Variants in PRDM5 observed in about 807,000 individuals in gnomAD.
PRDM5 encodes the protein PR domain zinc finger protein 5.
In PRDM5, 56 loss-of-function variants were observed where a neutral mutation model predicts 81.2. The observed-to-expected ratio is 0.69, with a 90% CI of 0.56 to 0.86. PRDM5 has a LOEUF of 0.86. Among genes scored for constraint, PRDM5 ranks in the 40% least tolerant of loss-of-function variants. The pLI is 0.00. For synonymous variants in PRDM5, 267 were observed against 256.4 expected, an observed-to-expected ratio of 1.04 and a Z score of -0.39; for missense variants, 697 against 770.1, an observed-to-expected ratio of 0.91 and a Z score of 1.12.
At chr4:120,791,624 C>T (rs1750586527) in intron 10 of PRDM5, among the ~76,000 whole-genome samples, 1 of 152,168 alleles carries the variant, frequency 6.6e-6, no homozygotes, top group African/African-American at 2.4e-5. Flanking sequence ...ACATCTCATT[C>T]TCTCTTTTCC....
intron 2 of PRDM5, among the ~76,000 whole-genome samples, chr4:120,863,593 C>G (rs1307640662): frequency 6.6e-6 from 1 of 151,928 alleles, no homozygotes; most frequent in Non-Finnish European, 1.5e-5. Flanking sequence ...CATACCAATT[C>G]AACCAAAGCA....
At chr4:120,700,313 T>G (rs56765462) in intron 15 of PRDM5, among the ~76,000 whole-genome samples, 22,837 of 152,158 alleles carry the variant, frequency 0.15, 2,285 homozygotes, top group East Asian at 0.51. Context: ...AACTTTAAGA[T>G]GAATTAAAGA....
chr4:120,786,712 A>T (rs1749811564), intron 10 of PRDM5, among the ~76,000 whole-genome samples: 1 of 152,244 alleles, frequency 6.6e-6, no homozygotes, highest in Admixed American at 6.5e-5. Context: ...TAAACCAGAC[A>T]TTGAAATGAC....
At chr4:120,910,061 C>A (rs112262244) in intron 1 of PRDM5, among the ~76,000 whole-genome samples, 38 of 75,142 alleles carry the variant, frequency 5.1e-4, no homozygotes, top group African/African-American at 2.0e-3. Flanking sequence ...TGTGTTATTT[C>A]ATATGCTTTA....
intron 9 of PRDM5, among the ~76,000 whole-genome samples, chr4:120,799,043 C>A (rs1029941980): frequency 6.6e-6 from 1 of 152,142 alleles, no homozygotes; most frequent in Non-Finnish European, 1.5e-5. Context: ...TGACTTCAAT[C>A]GCCTCAAATT....
At chr4:120,816,223 C>T (rs1754463933) in intron 7 of PRDM5, 6 of 640,602 alleles carry the variant, frequency 9.4e-6, no homozygotes, top group South Asian at 9.2e-5. Flanking sequence ...TTAACTAAGG[C>T]TTACAGTTAT....
intron 13 of PRDM5, among the ~76,000 whole-genome samples, chr4:120,769,054 T>C (rs1746837188): frequency 6.6e-6 from 1 of 152,232 alleles, no homozygotes. Context: ...GATTTTTGTA[T>C]GTAGTATGTG....
chr4:120,828,127 T>C (rs2149362750), intron 3 of PRDM5, among the ~76,000 whole-genome samples: 1 of 152,216 alleles, frequency 6.6e-6, no homozygotes, highest in Middle Eastern at 3.4e-3. Flanking sequence ...TCAGATAGAC[T>C]TGAATTTGTA....
At chr4:120,851,187 G>A (rs1000661399) in intron 3 of PRDM5, among the ~76,000 whole-genome samples, 1 of 151,998 alleles carries the variant, frequency 6.6e-6, no homozygotes, top group African/African-American at 2.4e-5. Flanking sequence ...TTTGGAGAAG[G>A]CTTAAAATCA....
intron 14 of PRDM5, among the ~76,000 whole-genome samples, chr4:120,720,514 A>C (rs907699943): frequency 1.3e-5 from 2 of 152,194 alleles, no homozygotes. Context: ...CACACAGCTG[A>C]GGGAACAGAG....
intron 7 of PRDM5, among the ~76,000 whole-genome samples, chr4:120,814,847 A>C (rs1877214): frequency 0.29 from 43,719 of 152,114 alleles, 6,486 homozygotes; most frequent in East Asian, 0.37. Context: ...CCGTTAGCTA[A>C]AATACAGCAA....
At chr4:120,863,698 C>T (rs951554602) in intron 2 of PRDM5, among the ~76,000 whole-genome samples, 1 of 152,056 alleles carries the variant, frequency 6.6e-6, no homozygotes, top group African/African-American at 2.4e-5. Context: ...CTCCATCTAG[C>T]GATCAAATAA....
intron 2 of PRDM5, among the ~76,000 whole-genome samples, chr4:120,868,918 C>A (rs1419738143): frequency 1.3e-5 from 2 of 152,258 alleles, no homozygotes; most frequent in Middle Eastern, 3.4e-3. Context: ...CACCTACAAT[C>A]TACTCATTAA....
At chr4:120,880,804 G>T (rs1013414991) in intron 2 of PRDM5, among the ~76,000 whole-genome samples, 1 of 151,938 alleles carries the variant, frequency 6.6e-6, no homozygotes, top group Non-Finnish European at 1.5e-5. Context: ...AAGCTGGTTC[G>T]TCTTTTTTTA....
At position 120,810,037 on chromosome 4, in the gene PRDM5, A is replaced by G. The variant is rs202142360; in HGVS notation, c.945+1333T>C. ...CTGATTCTATATTATGGTGAGTTTT[A>G]TAAATATTTCATTATACATTTTAAT... On this transcript the variant is annotated intron_variant, in intron 8 of 15. Coordinates refer to ENST00000264808, the MANE Select transcript of PRDM5 (RefSeq NM_018699.4). 3.0e-4 allele frequency among the ~76,000 whole-genome samples: 46 copies of G among 152,316 alleles called. No individual in the cohort carries two copies. The East Asian group carries it at 5.6e-3, about 19-fold the overall frequency.
intron 15 of PRDM5, among the ~76,000 whole-genome samples, chr4:120,696,724 T>C (rs1321647466): frequency 6.6e-6 from 1 of 152,070 alleles, no homozygotes; most frequent in Non-Finnish European, 1.5e-5. Flanking sequence ...TCTTTCATCT[T>C]CCTCAGCAGA....
At chr4:120,849,583 G>C (rs759628859) in intron 3 of PRDM5, among the ~76,000 whole-genome samples, 3 of 152,078 alleles carry the variant, frequency 2.0e-5, no homozygotes, top group Non-Finnish European at 4.4e-5. Flanking sequence ...ATGGCAACTA[G>C]TCACAGAAAA....
chr4:120,829,226 T>A (rs947008147), intron 3 of PRDM5, among the ~76,000 whole-genome samples: 3 of 152,092 alleles, frequency 2.0e-5, no homozygotes, highest in Non-Finnish European at 2.9e-5. Context: ...TAAGATTTTA[T>A]CAATGTGACT....
At chr4:120,856,129 A>G in intron 2 of PRDM5, among the ~76,000 whole-genome samples, 1 of 152,194 alleles carries the variant, frequency 6.6e-6, no homozygotes, top group Admixed American at 6.5e-5. Flanking sequence ...AGTATTAGCA[A>G]CTTATTTTCC....
Sources: gnomAD v4.1 joint callset for allele counts (sites outside exome capture counted in the v4.1 genomes callset) on GRCh38, gnomAD v4.1.1 for gene constraint, MANE v1.5 for transcripts, NCBI Gene and HGNC (gene_info 2026-07-23, HGNC 2026-07-21) for gene names.